Variants in COL25A1 observed in about 807,000 individuals in gnomAD.
COL25A1 encodes collagen alpha-1(XXV) chain.
COL25A1 carries 103 observed loss-of-function variants against 128.4 expected under a neutral mutation model. The ratio of observed to expected loss-of-function variants is 0.80; its 90% CI spans 0.68 to 0.94. The LOEUF (loss-of-function observed/expected upper bound fraction) is 0.94. COL25A1 is among the 40% of genes least tolerant of loss of function. The pLI is 0.00. For missense variants in COL25A1, 745 were observed against 840.0 expected, an observed-to-expected ratio of 0.89 and a Z score of 1.40; for synonymous variants, 279 against 277.2, an observed-to-expected ratio of 1.01 and a Z score of -0.06.
intron 8 of COL25A1, among the ~76,000 whole-genome samples, chr4:108,949,569 T>C (rs1403198570): frequency 6.6e-6 from 1 of 151,854 alleles, no homozygotes; most frequent in Non-Finnish European, 1.5e-5. Context: ...AGTCTCACTC[T>C]GTCACCCAGA....
At chr4:109,029,930 A>G (rs1459693718) in intron 5 of COL25A1, among the ~76,000 whole-genome samples, 1 of 152,176 alleles carries the variant, frequency 6.6e-6, no homozygotes, top group Non-Finnish European at 1.5e-5. Context: ...AATCAGAGGC[A>G]TCCAGGCACC....
intron 32 of COL25A1, among the ~76,000 whole-genome samples, chr4:108,828,177 G>A (rs949968252): frequency 6.6e-6 from 1 of 152,150 alleles, no homozygotes; most frequent in African/African-American, 2.4e-5. Context: ...GTCTTGCTCT[G>A]TTGCCCGGGC....
intron 8 of COL25A1, among the ~76,000 whole-genome samples, chr4:108,968,753 A>G (rs1352066501): frequency 6.6e-6 from 1 of 152,152 alleles, no homozygotes; most frequent in East Asian, 1.9e-4. Context: ...TTCTAGTCTC[A>G]TGTTTCTGTT....
At chr4:109,286,795 C>T (rs1310211939) in intron 3 of COL25A1, among the ~76,000 whole-genome samples, 1 of 152,168 alleles carries the variant, frequency 6.6e-6, no homozygotes, top group African/African-American at 2.4e-5. Context: ...CTGAAGGCCA[C>T]CTAATTCGAT....
chr4:109,082,690 G>A (rs529912588), intron 3 of COL25A1, among the ~76,000 whole-genome samples: 8 of 152,054 alleles, frequency 5.3e-5, no homozygotes, highest in African/African-American at 1.2e-4. Flanking sequence ...TTCTAGATAC[G>A]CATGCCTTGC....
intron 37 of COL25A1, 40 bp downstream of exon 37, chr4:108,817,357 G>A: frequency 6.2e-7 from 1 of 1,600,896 alleles, no homozygotes; most frequent in Non-Finnish European, 8.6e-7. Context: ...TAAGAGAAAG[G>A]GAGAGTGCTT....
intron 13 of COL25A1, among the ~76,000 whole-genome samples, 182 bp downstream of exon 13, chr4:108,917,990 C>T (rs1745060905): frequency 6.7e-6 from 1 of 149,796 alleles, no homozygotes; most frequent in African/African-American, 2.5e-5. Context: ...GAATTCCTGA[C>T]TATTTAATGC....
intron 3 of COL25A1, among the ~76,000 whole-genome samples, chr4:109,279,978 G>T (rs1396944522): frequency 6.6e-6 from 1 of 152,162 alleles, no homozygotes; most frequent in Non-Finnish European, 1.5e-5. Flanking sequence ...ATGAGGCAGG[G>T]TCTAAGATCT....
intron 3 of COL25A1, among the ~76,000 whole-genome samples, chr4:109,291,704 G>T (rs1724489640): frequency 6.6e-6 from 1 of 151,730 alleles, no homozygotes; most frequent in South Asian, 2.1e-4. Flanking sequence ...AAAATATAAG[G>T]GAAGAAATTT....
chr4:109,282,319 T>C (rs1159555013), intron 3 of COL25A1, among the ~76,000 whole-genome samples: 1 of 152,032 alleles, frequency 6.6e-6, no homozygotes, highest in Non-Finnish European at 1.5e-5. Context: ...GGACAAAACA[T>C]CAAGAGTGAT....
chr4:109,119,397 A>G (rs1021631447), intron 3 of COL25A1, among the ~76,000 whole-genome samples: 2 of 152,060 alleles, frequency 1.3e-5, no homozygotes, highest in Non-Finnish European at 2.9e-5. Context: ...GAAAATCGGC[A>G]AAACTCAAAA....
chr4:108,940,585 G>T lies in COL25A1; in HGVS notation c.626C>A (p.Pro209His). ...GGGGCCATCTTTCCCTGTGTCCCCA[G>T]GTGGCCCTCTTGGGCCTGGAGGGCC... The part of the protein sequence containing the change: ...PPGPPGPRGP[P>H]GDTGKDGPRG... Residue 209 changes from proline (P) to histidine (H), a missense_variant, in exon 10 of 38, where the codon CCT becomes CAT. By Grantham distance (77) the Pro-to-His change is moderately conservative. Coordinates refer to ENST00000399132, the MANE Select transcript of COL25A1 (RefSeq NM_198721.4). 2 of 1,613,460 alleles carry T rather than the reference G, an allele frequency of 1.2e-6. No individual in the cohort carries two copies. The highest frequency in any genetic ancestry group is 1.7e-6 in the Non-Finnish European group (2 of 1,179,612).
chr4:108,950,581 T>G (rs893449612), intron 8 of COL25A1, among the ~76,000 whole-genome samples: 1 of 152,198 alleles, frequency 6.6e-6, no homozygotes, highest in African/African-American at 2.4e-5. Context: ...AAAGACATAC[T>G]GAATCAACAC....
intron 3 of COL25A1, among the ~76,000 whole-genome samples, chr4:109,297,416 G>A (rs192855312): frequency 2.0e-3 from 299 of 152,078 alleles, no homozygotes; most frequent in African/African-American, 7.0e-3. Context: ...TATCCCCATG[G>A]TCTTTTAAGC....
intron 3 of COL25A1, among the ~76,000 whole-genome samples, chr4:109,295,403 G>T (rs1724878804): frequency 6.6e-6 from 1 of 152,022 alleles, no homozygotes; most frequent in Non-Finnish European, 1.5e-5. Flanking sequence ...GTATTGTTTG[G>T]CCTTATAAGA....
At chr4:109,075,441 A>T (rs1337372957) in intron 3 of COL25A1, among the ~76,000 whole-genome samples, 1 of 152,140 alleles carries the variant, frequency 6.6e-6, no homozygotes, top group Non-Finnish European at 1.5e-5. Context: ...ACATGACTAG[A>T]GTCACGTTTG....
intron 8 of COL25A1, among the ~76,000 whole-genome samples, chr4:108,955,641 C>G (rs1749986481): frequency 6.6e-6 from 1 of 152,102 alleles, no homozygotes; most frequent in African/African-American, 2.4e-5. Context: ...GTGTCAGGAG[C>G]ACTTGGGCTC....
intron 3 of COL25A1, among the ~76,000 whole-genome samples, chr4:109,275,390 A>C (rs567265190): frequency 6.6e-6 from 1 of 152,110 alleles, no homozygotes; most frequent in Non-Finnish European, 1.5e-5. Context: ...TAAAAAGTTC[A>C]TCTCTAGCTA....
intron 13 of COL25A1, among the ~76,000 whole-genome samples, chr4:108,905,227 A>G (rs1418783406): frequency 6.6e-6 from 1 of 152,192 alleles, no homozygotes; most frequent in African/African-American, 2.4e-5. Context: ...GCCACAGGCA[A>G]CTATGGAGCA....
Sources: allele counts gnomAD v4.1 joint callset (sites outside exome capture counted in the v4.1 genomes callset), GRCh38; gene constraint gnomAD v4.1.1; transcripts MANE v1.5; gene names NCBI Gene and HGNC (gene_info 2026-07-23, HGNC 2026-07-21).